The following CDH4 variants were observed in gnomAD, a reference collection of about 807,000 sequenced individuals.
The protein encoded by CDH4 is cadherin-4.
CDH4 carries 33 observed loss-of-function variants against 86.0 expected under a neutral mutation model. That is an observed-to-expected ratio of 0.38 (90% CI 0.29 to 0.51). CDH4 has a LOEUF of 0.51. CDH4 is among the 20% of genes least tolerant of loss of function. The probability of loss-of-function intolerance (pLI) is 0.86; values close to 1 mark genes in which losing one functional copy is unlikely to be tolerated. For missense variants in CDH4, 1,114 were observed against 1,307.4 expected, an observed-to-expected ratio of 0.85 and a Z score of 2.28; for synonymous variants, 555 against 549.4, an observed-to-expected ratio of 1.01 and a Z score of -0.14.
chr20:61,317,064 G>T (rs1390273412), intron 2 of CDH4, among the ~76,000 whole-genome samples: 1 of 150,314 alleles, frequency 6.7e-6, no homozygotes, highest in East Asian at 1.9e-4. Context: ...TTACTATTTA[G>T]AAATCTGAAT....
At chr20:61,405,332 T>A (rs915756080) in intron 2 of CDH4, among the ~76,000 whole-genome samples, 4 of 151,792 alleles carry the variant, frequency 2.6e-5, no homozygotes, top group African/African-American at 7.3e-5. Flanking sequence ...CTAGTAGACA[T>A]ATATCCTTTA....
At chr20:61,509,262 G>A (rs774511843) in intron 2 of CDH4, among the ~76,000 whole-genome samples, 5 of 150,456 alleles carry the variant, frequency 3.3e-5, no homozygotes, top group African/African-American at 1.0e-4. Context: ...GAGCCCCACC[G>A]TCAGCCAGCG....
intron 2 of CDH4, among the ~76,000 whole-genome samples, chr20:61,696,233 C>T (rs1262825015): frequency 6.6e-6 from 1 of 152,210 alleles, no homozygotes; most frequent in African/African-American, 2.4e-5. Context: ...GAACCGCCCC[C>T]CACAAACCAA....
intron 2 of CDH4, among the ~76,000 whole-genome samples, chr20:61,369,178 C>T (rs781226513): frequency 2.0e-5 from 3 of 152,038 alleles, no homozygotes; most frequent in Non-Finnish European, 2.9e-5. Flanking sequence ...TTAGGCTGGG[C>T]GCAGTGGTGC....
rs145846676 is a variant in CDH4 at position 61,844,739 on chromosome 20, C to A, written c.648C>A (p.Pro216=). The A allele has an allele frequency of 2.5e-6, 4 of 1,614,072 alleles. No homozygotes were observed. In the Admixed American group the frequency reaches 5.0e-5, roughly 20 times the overall value. The part of the protein sequence containing the change: ...SITGVGADQP[P]MEVFSIDSMS... ...CGGGAGTGGGCGCCGACCAGCCCCC[C>A]ATGGAGGTCTTCAGCATTGACTCCA... Residue 216 remains proline (P), a synonymous_variant, in exon 5 of 16, where the codon CCC becomes CCA. Transcript: ENST00000614565.
chr20:61,479,844 G>T (rs532917547), intron 2 of CDH4, among the ~76,000 whole-genome samples: 5 of 152,228 alleles, frequency 3.3e-5, no homozygotes, highest in African/African-American at 9.6e-5. Context: ...GGCTACTCAG[G>T]GTCGCCCCAT....
At chr20:61,333,473 GCCAAGGGGGAC>G (rs2084597131) in intron 2 of CDH4, among the ~76,000 whole-genome samples, 1 of 152,326 alleles carries the variant, frequency 6.6e-6, no homozygotes, top group East Asian at 1.9e-4. Context: ...AGATAATCCA[GCCAAGGGGGAC>G]CCAGCACAGA....
intron 2 of CDH4, among the ~76,000 whole-genome samples, chr20:61,302,194 C>G (rs1013939772): frequency 6.6e-6 from 1 of 152,310 alleles, no homozygotes; most frequent in East Asian, 1.9e-4. Flanking sequence ...AGCTCATGGT[C>G]GAGCCCTCAC....
intron 2 of CDH4, among the ~76,000 whole-genome samples, chr20:61,566,859 C>T (rs571544295): frequency 7.3e-4 from 111 of 152,104 alleles, no homozygotes; most frequent in African/African-American, 2.6e-3. Flanking sequence ...TGGGTTTGCG[C>T]GGGAGGCTGC....
At chr20:61,830,408 C>T (rs928109490) in intron 4 of CDH4, among the ~76,000 whole-genome samples, 1 of 152,184 alleles carries the variant, frequency 6.6e-6, no homozygotes, top group South Asian at 2.1e-4. Context: ...CTCCACCTGT[C>T]CCCCTGCATC....
Position 61,910,439 on chromosome 20 carries a change from C to T in CDH4, c.1206C>T (p.Pro402=), listed in dbSNP as rs376532319. 5.5e-5 allele frequency: 88 copies of T among 1,613,368 alleles called. No homozygotes were observed. The South Asian group carries it at 7.8e-4, about 14-fold the overall frequency. Residue 402 remains proline (P), a synonymous_variant, in exon 9 of 16, where the codon CCC becomes CCT. Transcript: ENST00000614565. ...TTTTGCAGTTTGCAGGGGAGGTCCCCGAAAACCGCGTGGAGACCGTGGTCG... is the reference window on the plus strand; with the variant it reads ...TTTTGCAGTTTGCAGGGGAGGTCCCTGAAAACCGCGTGGAGACCGTGGTCG... ...FTASTFAGEV[P]ENRVETVVAN...
chr20:61,627,813 C>A (rs1600819138), intron 2 of CDH4, among the ~76,000 whole-genome samples: 1 of 152,034 alleles, frequency 6.6e-6, no homozygotes, highest in South Asian at 2.1e-4. Flanking sequence ...TAGGGTGGGG[C>A]AGGGTGGTTC....
intron 2 of CDH4, among the ~76,000 whole-genome samples, chr20:61,549,648 A>AC (rs1179057918): frequency 1.3e-5 from 2 of 152,190 alleles, no homozygotes; most frequent in Non-Finnish European, 2.9e-5. Flanking sequence ...GACGTCAAGC[A>AC]CGTGCTGGGA....
At chr20:61,714,157 C>T (rs1020066087) in intron 2 of CDH4, among the ~76,000 whole-genome samples, 2 of 152,022 alleles carry the variant, frequency 1.3e-5, no homozygotes, top group African/African-American at 4.8e-5. Context: ...CGCCATTCTC[C>T]TGCCTCAGCC....
At chr20:61,540,948 C>T (rs1017385772) in intron 2 of CDH4, among the ~76,000 whole-genome samples, 10 of 152,074 alleles carry the variant, frequency 6.6e-5, no homozygotes, top group Non-Finnish European at 7.4e-5. Context: ...TGTTCAAGCC[C>T]GTGCCATCCT....
intron 2 of CDH4, among the ~76,000 whole-genome samples, chr20:61,630,453 C>T (rs575152906): frequency 1.9e-4 from 29 of 152,262 alleles, no homozygotes; most frequent in Admixed American, 1.0e-3. Flanking sequence ...CAACATGGGA[C>T]GCTCAGCGGG....
intron 3 of CDH4, among the ~76,000 whole-genome samples, chr20:61,759,626 ACATTTTCCCT>A (rs762851625): frequency 2.8e-4 from 43 of 152,152 alleles, no homozygotes; most frequent in Non-Finnish European, 5.0e-4. Flanking sequence ...AAAAAGTAAT[ACATTTTCCCT>A]TAACTTGCTA....
At chr20:61,576,107 A>G (rs796528228) in intron 2 of CDH4, among the ~76,000 whole-genome samples, 1 of 152,222 alleles carries the variant, frequency 6.6e-6, no homozygotes, top group African/African-American at 2.4e-5. Context: ...GGAGGCACGC[A>G]GTGTGGGCTC....
At chr20:61,736,781 G>A (rs534284102) in intron 2 of CDH4, among the ~76,000 whole-genome samples, 135 of 152,254 alleles carry the variant, frequency 8.9e-4, no homozygotes, top group African/African-American at 3.1e-3. Context: ...CTGGGAGATG[G>A]AGCCATCATG....
Sources: allele counts gnomAD v4.1 joint callset (sites outside exome capture counted in the v4.1 genomes callset), GRCh38; gene constraint gnomAD v4.1.1; transcripts MANE v1.5; gene names NCBI Gene and HGNC (gene_info 2026-07-23, HGNC 2026-07-21).